Variants in IL7 observed in about 807,000 individuals in gnomAD.
IL7 encodes interleukin-7.
IL7 carries 3 observed loss-of-function variants against 21.6 expected under a neutral mutation model. That is an observed-to-expected ratio of 0.14 (90% CI 0.06 to 0.36). The LOEUF (loss-of-function observed/expected upper bound fraction) is 0.36. IL7 is among the 10% of genes least tolerant of loss of function. The pLI is 1.00. For synonymous variants in IL7, 62 were observed against 68.1 expected, an observed-to-expected ratio of 0.91 and a Z score of 0.44; for missense variants, 175 against 200.2, an observed-to-expected ratio of 0.87 and a Z score of 0.76.
At chr8:78,740,636 C>G (rs1252670947) in intron 2 of IL7, among the ~76,000 whole-genome samples, 1 of 152,156 alleles carries the variant, frequency 6.6e-6, no homozygotes, top group Non-Finnish European at 1.5e-5. Flanking sequence ...GGCTTATAAT[C>G]AACATAGTAT....
downstream of IL7, among the ~76,000 whole-genome samples, chr8:78,715,677 A>AT (rs1229365360): frequency 6.6e-6 from 1 of 152,174 alleles, no homozygotes; most frequent in Non-Finnish European, 1.5e-5. Context: ...TACTAGCAAA[A>AT]TAGCAAAAGA....
At chr8:78,688,652 T>G (rs531007257) in intron 3 of IL7, among the ~76,000 whole-genome samples, 94 of 152,294 alleles carry the variant, frequency 6.2e-4, no homozygotes, top group Admixed American at 1.6e-3. Flanking sequence ...TATTTTATCT[T>G]GGAAACATTT....
chr8:78,680,286 C>CCAAA (rs1809732644), intron 4 of IL7, among the ~76,000 whole-genome samples: 2 of 88,150 alleles, frequency 2.3e-5, no homozygotes, highest in African/African-American at 9.0e-5. Flanking sequence ...GACTCCGTCT[C>CCAAA]AAAAAAAAAA....
rs1392207968 is a variant in IL7 at position 78,732,875 on chromosome 8, TTAAA to T, written c.*834_*837del. The T allele has an allele frequency of 6.6e-6, 1 of 151,802 alleles. No individual in the cohort carries two copies. The highest frequency in any genetic ancestry group is 2.4e-5 in the African/African-American group (1 of 41,248). The allele number at this position is 151,802 out of a possible 1,614,324, so 9.4% of individuals were successfully genotyped here. A position where few individuals can be genotyped will look rare whatever the true frequency, so the allele number is the denominator to read the frequency against. On this transcript the variant is annotated 3_prime_UTR_variant, in exon 6 of 6. Coordinates refer to ENST00000263851, the MANE Select transcript of IL7 (RefSeq NM_000880.4). ...TTTATATACAGATATAGTGTCAAAATTAAATACAGATATTTCATTAATTAAAAGG... is the reference window on the plus strand; with the variant it reads ...TTTATATACAGATATAGTGTCAAAATTACAGATATTTCATTAATTAAAAGG...
At chr8:78,717,351 C>T (rs77219198), downstream of IL7, 30,617 of 1,609,638 alleles carry the variant, frequency 0.019, 400 homozygotes, top group Non-Finnish European at 0.022. Context: ...TGTGCATCTT[C>T]CCTTAATGGT....
intron 4 of IL7, among the ~76,000 whole-genome samples, chr8:78,737,574 A>T (rs1811635130): frequency 6.6e-6 from 1 of 152,176 alleles, no homozygotes; most frequent in African/African-American, 2.4e-5. Context: ...AAGTACATAA[A>T]GCAATGATAA....
chr8:78,705,643 C>T (rs142646105), intron 3 of IL7, among the ~76,000 whole-genome samples: 9 of 152,176 alleles, frequency 5.9e-5, no homozygotes, highest in Non-Finnish European at 1.0e-4. Context: ...ACCTCTGGGT[C>T]GGCATGGGCT....
chr8:78,755,590 C>T (rs1214929407), intron 2 of IL7, among the ~76,000 whole-genome samples: 1 of 151,368 alleles, frequency 6.6e-6, no homozygotes, highest in East Asian at 1.9e-4. Flanking sequence ...ATTTTCCTGG[C>T]AAAAATTGTA....
intron 2 of IL7, among the ~76,000 whole-genome samples, chr8:78,743,776 C>T (rs1811879133): frequency 1.3e-5 from 2 of 152,148 alleles, no homozygotes; most frequent in South Asian, 4.1e-4. Context: ...AATCTACCTT[C>T]AATGTTCGAC....
At chr8:78,756,741 T>A (rs1352260094) in intron 2 of IL7, among the ~76,000 whole-genome samples, 1 of 151,908 alleles carries the variant, frequency 6.6e-6, no homozygotes, top group East Asian at 1.9e-4. Flanking sequence ...TTATTTTTTA[T>A]CTTTTCATCT....
intron 2 of IL7, among the ~76,000 whole-genome samples, chr8:78,748,353 C>T (rs1475630333): frequency 1.3e-5 from 2 of 151,990 alleles, no homozygotes; most frequent in Admixed American, 1.3e-4. Context: ...ATTTATTGCA[C>T]TTGATAGTAA....
chr8:78,790,853 A>G (rs1563437299), intron 2 of IL7, among the ~76,000 whole-genome samples: 1 of 152,120 alleles, frequency 6.6e-6, no homozygotes. Flanking sequence ...CATGGACCAC[A>G]AGCATTTTTA....
chr8:78,771,178 T>C (rs983891764), intron 2 of IL7, among the ~76,000 whole-genome samples: 1 of 139,258 alleles, frequency 7.2e-6, no homozygotes, highest in East Asian at 1.9e-4. Flanking sequence ...CCCAACGCAA[T>C]AGACATTGTG....
chr8:78,719,639 G>A (rs543763203), intron 5 of IL7: 2 of 151,752 alleles, frequency 1.3e-5, no homozygotes, highest in African/African-American at 4.8e-5. Flanking sequence ...GTATTATTCT[G>A]AATTGTGTTA....
At chr8:78,803,776 G>T (rs1047967368) in intron 1 of IL7, among the ~76,000 whole-genome samples, 1 of 152,068 alleles carries the variant, frequency 6.6e-6, no homozygotes, top group African/African-American at 2.4e-5. Context: ...ATTAAGCTCC[G>T]GGAGGACATT....
At chr8:78,697,036 A>G (rs1810443721) in intron 3 of IL7, among the ~76,000 whole-genome samples, 1 of 152,068 alleles carries the variant, frequency 6.6e-6, no homozygotes, top group African/African-American at 2.4e-5. Context: ...TCTGAGAGGG[A>G]GTCTAGTTTG....
intron 3 of IL7, among the ~76,000 whole-genome samples, chr8:78,725,676 C>T (rs1161691176): frequency 1.3e-5 from 2 of 151,882 alleles, no homozygotes; most frequent in Non-Finnish European, 2.9e-5. Flanking sequence ...TATACTGAAA[C>T]AAGACATCTT....
chr8:78,707,098 G>A lies in IL7; in HGVS notation n.214+14250C>T, dbSNP rs72661333. Among the ~76,000 whole-genome samples, 560 of 152,248 alleles carry A rather than the reference G, an allele frequency of 3.7e-3. 2 individuals carry two copies. Among genetic ancestry groups the A allele is most frequent in the Non-Finnish European group, 6.5e-3 (441 of 68,006 alleles). ...TCATTGGATGATTAAGTGAAGTATA[G>A]ACATAGCAATATGTGCTTTAATTTT... is the stretch of plus-strand genomic sequence containing the variant. On this transcript the variant is annotated intron_variant and non_coding_transcript_variant, in intron 3 of 4. Transcript: ENST00000523959.
chr8:78,791,225 T>C (rs1288238056), intron 2 of IL7, among the ~76,000 whole-genome samples: 1 of 152,152 alleles, frequency 6.6e-6, no homozygotes, highest in South Asian at 2.1e-4. Flanking sequence ...GGTGCCCAAA[T>C]TGAACCATCT....
Sources: gnomAD v4.1 joint callset for allele counts (sites outside exome capture counted in the v4.1 genomes callset) on GRCh38, gnomAD v4.1.1 for gene constraint, MANE v1.5 for transcripts, NCBI Gene and HGNC (gene_info 2026-07-23, HGNC 2026-07-21) for gene names.